Variants in NME7 observed in about 807,000 individuals in gnomAD.
The protein encoded by NME7 is NME/NM23 family member 7.
A neutral mutation model predicts 49.1 loss-of-function variants in NME7; 41 were observed. That is an observed-to-expected ratio of 0.83 (90% CI 0.65 to 1.08). The LOEUF is 1.08. Ranked by LOEUF, NME7 falls within the 50% of genes least tolerant of loss-of-function variation. The pLI is 0.00. For synonymous variants in NME7, 139 were observed against 150.6 expected (o/e 0.92, Z 0.56); for missense variants, 423 against 463.4 (o/e 0.91, Z 0.80).
chr1:169,365,004 A>G (rs1483163831), intron 1 of NME7, among the ~76,000 whole-genome samples: 1 of 152,208 alleles, frequency 6.6e-6, no homozygotes, highest in Non-Finnish European at 1.5e-5. Flanking sequence ...TTTAGATAAC[A>G]TCACTATTGT....
chr1:169,244,432 G>A (rs1230215082), intron 7 of NME7, among the ~76,000 whole-genome samples: 1 of 151,568 alleles, frequency 6.6e-6, no homozygotes, highest in Non-Finnish European at 1.5e-5. Flanking sequence ...AGGAGATCGA[G>A]ACCATCCTGG....
chr1:169,223,334 T>C (rs1661201151), intron 10 of NME7, among the ~76,000 whole-genome samples: 1 of 152,172 alleles, frequency 6.6e-6, no homozygotes. Context: ...ATGTTAACAT[T>C]ATTAACTATA....
At chr1:169,231,879 C>A (rs1647638388) in intron 9 of NME7, among the ~76,000 whole-genome samples, 1 of 151,708 alleles carries the variant, frequency 6.6e-6, no homozygotes, top group African/African-American at 2.4e-5. Context: ...GGTGCCAGAC[C>A]AAAATTGAGC....
chr1:169,170,263 G>A (rs1659543368), intron 10 of NME7, among the ~76,000 whole-genome samples: 1 of 152,084 alleles, frequency 6.6e-6, no homozygotes, highest in Non-Finnish European at 1.5e-5. Context: ...GTTAGTCTGA[G>A]GGCAAGAATG....
rs191347389 is a variant in NME7 at position 169,137,396 on chromosome 1, A to C, written c.1099-4579T>G. ...GCATGGTTGTCCTAATGACTGAATG[A>C]AAAATGTGGTTGAAAAGGCTGCTTT... On this transcript the variant is annotated intron_variant, in intron 11 of 11. Coordinates refer to ENST00000367811, the MANE Select transcript of NME7 (RefSeq NM_013330.5). Among the ~76,000 whole-genome samples, 176 of 152,370 alleles carry C rather than the reference A, an allele frequency of 1.2e-3. 1 individual carries two copies. Among genetic ancestry groups the C allele is most frequent in the Middle Eastern group, 0.01 (3 of 294 alleles).
Position 169,210,214 on chromosome 1 carries a change from C to T in NME7, c.990+20504G>A, listed in dbSNP as rs114458842. On this transcript the variant is annotated intron_variant, in intron 10 of 11. Coordinates refer to ENST00000367811, the MANE Select transcript of NME7 (RefSeq NM_013330.5). ...TAAAGTGAAATTTATTTCTAGTTTA[C>T]CCAAGTCTGTATACCACAGGGAATC... Among the ~76,000 whole-genome samples, 303 of 152,254 alleles carry T rather than the reference C, an allele frequency of 2.0e-3. 4 individuals are homozygous for T. Among genetic ancestry groups the T allele is most frequent in the African/African-American group, 7.1e-3 (294 of 41,564 alleles).
At chr1:169,231,085 T>C (rs1647594053) in intron 9 of NME7, among the ~76,000 whole-genome samples, 1 of 152,206 alleles carries the variant, frequency 6.6e-6, no homozygotes, top group Admixed American at 6.5e-5. Flanking sequence ...TCTTCTAGTA[T>C]ATCTTCCTTG....
chr1:169,280,407 G>C (rs1474430414), intron 7 of NME7, among the ~76,000 whole-genome samples: 5 of 152,028 alleles, frequency 3.3e-5, no homozygotes, highest in Admixed American at 1.3e-4. Flanking sequence ...TCTGTAGGTT[G>C]CCTGTTCACT....
At chr1:169,365,410 G>A (rs562437671) in intron 1 of NME7, among the ~76,000 whole-genome samples, 1 of 152,336 alleles carries the variant, frequency 6.6e-6, no homozygotes, top group Admixed American at 6.5e-5. Context: ...GCCTGTAATA[G>A]GAGAATAAAT....
chr1:169,272,845 C>T (rs1649537751), intron 7 of NME7, among the ~76,000 whole-genome samples: 1 of 132,376 alleles, frequency 7.6e-6, no homozygotes, highest in African/African-American at 2.6e-5. Flanking sequence ...GGTATTTCTG[C>T]CTCTAGATCT....
chr1:169,234,890 A>G (rs1647794381), intron 9 of NME7, among the ~76,000 whole-genome samples: 1 of 152,164 alleles, frequency 6.6e-6, no homozygotes, highest in Non-Finnish European at 1.5e-5. Context: ...AAAGACAGAG[A>G]AAACTTCATT....
chr1:169,226,417 G>A (rs780199976), intron 10 of NME7, among the ~76,000 whole-genome samples: 1 of 152,104 alleles, frequency 6.6e-6, no homozygotes, highest in Non-Finnish European at 1.5e-5. Context: ...AGAAAAGGGG[G>A]AAAGAAAAGA....
intron 7 of NME7, among the ~76,000 whole-genome samples, chr1:169,258,405 T>TATATACAC (rs1422519342): frequency 2.0e-4 from 14 of 68,788 alleles, no homozygotes; most frequent in African/African-American, 6.8e-4. Flanking sequence ...TATATATATA[T>TATATACAC]ACACACACAC....
At chr1:169,363,872 G>GTT (rs1312366455) in intron 1 of NME7, among the ~76,000 whole-genome samples, 7 of 152,306 alleles carry the variant, frequency 4.6e-5, no homozygotes, top group East Asian at 1.9e-4. Context: ...AGTGGGAACA[G>GTT]GAGTTCATTC....
chr1:169,253,793 A>C (rs1648758775), intron 7 of NME7, among the ~76,000 whole-genome samples: 1 of 151,804 alleles, frequency 6.6e-6, no homozygotes, highest in Non-Finnish European at 1.5e-5. Flanking sequence ...ATTTTGTCAA[A>C]GGCTTTTTCT....
At position 169,367,693 on chromosome 1, in the gene NME7, T is replaced by C. The variant is rs777995054; in HGVS notation, c.3+15A>G. 1.2e-6 allele frequency: 2 copies of C among 1,614,118 alleles called. No homozygotes were observed. Among genetic ancestry groups the C allele is most frequent in the East Asian group, 4.5e-5 (2 of 44,866 alleles). On this transcript the variant is annotated intron_variant, in intron 1 of 11. Coordinates refer to ENST00000367811, the MANE Select transcript of NME7 (RefSeq NM_013330.5). ...GGACCCCAGAGCCGTTCTTCTGGCA[T>C]CCCCTGGCACTCACCATTGTCTCAG...
Position 169,277,835 on chromosome 1 carries a change from T to C in NME7, c.754+9468A>G, listed in dbSNP as rs1162510528. Among the ~76,000 whole-genome samples, 904 of 137,436 alleles carry C rather than the reference T, an allele frequency of 6.6e-3. 4 individuals carry two copies. The highest frequency in any genetic ancestry group is 0.023 in the African/African-American group (866 of 38,196). The allele number at this position is 137,436 out of a possible 152,430, so 90.2% of individuals were successfully genotyped here. The stretch of plus-strand genomic sequence containing the variant: ...TGCAGCGGCTGGTACCAGTTGTTCC[T>C]TTCCATGTTTAGCGCTTCCTTCAGG... On this transcript the variant is annotated intron_variant, in intron 7 of 11. Transcript: ENST00000367811.
intron 7 of NME7, among the ~76,000 whole-genome samples, chr1:169,251,874 T>C (rs1157789730): frequency 6.6e-6 from 1 of 151,860 alleles, no homozygotes; most frequent in Non-Finnish European, 1.5e-5. Flanking sequence ...TCCATGTCCC[T>C]ACAAAGGACA....
intron 4 of NME7, 66 bp downstream of exon 4, chr1:169,309,904 A>C (rs1651317827): frequency 1.0e-6 from 1 of 961,694 alleles, no homozygotes; most frequent in Non-Finnish European, 1.6e-6. Context: ...AATGACAAGA[A>C]AGACAGAAAA....
Sources: gnomAD v4.1 joint callset for allele counts (sites outside exome capture counted in the v4.1 genomes callset) on GRCh38, gnomAD v4.1.1 for gene constraint, MANE v1.5 for transcripts, NCBI Gene and HGNC (gene_info 2026-07-23, HGNC 2026-07-21) for gene names.